Variants in LAMA3 observed in about 807,000 individuals in gnomAD.
LAMA3 encodes the protein laminin subunit alpha-3.
Under a neutral mutation model 402.0 loss-of-function variants are expected in LAMA3, and 281 were observed. That is an observed-to-expected ratio of 0.70 (90% CI 0.63 to 0.77). The LOEUF is 0.77. LAMA3 is among the 30% of genes least tolerant of loss of function. The probability of loss-of-function intolerance (pLI) is 0.00; values close to 1 mark genes in which losing one functional copy is unlikely to be tolerated. For missense variants in LAMA3, 3,840 were observed against 4,215.5 expected (o/e 0.91, Z 2.47); for synonymous variants, 1,431 against 1,558.4 (o/e 0.92, Z 1.93).
Position 23,758,425 on chromosome 18 carries a change from G to A in LAMA3, c.977G>A (p.Cys326Tyr), listed in dbSNP as rs2061896170. The change falls in exon 7 of 75, where the codon TGT (cysteine) becomes TAT (tyrosine). Residue 326 changes from cysteine (C) to tyrosine (Y), a missense_variant. Around this residue, in one of 3 missense-constraint regions of LAMA3, gnomAD observed 2,109 missense variants for 2,376.0 expected, o/e 0.89. Transcript: ENST00000313654. ...LFRCECQHHT[C>Y]GETCDRCCTG... is the part of the protein sequence containing the mutation. ...CGGTGTGAATGCCAGCACCACACCT[G>A]TGGGGAGACGTGTGATCGCTGCTGC... The A allele has an allele frequency of 6.2e-7, 1 of 1,614,186 alleles. No individual in the cohort carries two copies. The highest frequency in any genetic ancestry group is 1.3e-5 in the African/African-American group (1 of 75,080).
chr18:23,815,050 C>G, intron 15 of LAMA3, 138 bp from the exon 16 acceptor site: 1 of 754,600 alleles, frequency 1.3e-6, no homozygotes, highest in Non-Finnish European at 2.4e-6. Context: ...TAGGCCTCAG[C>G]GATGCAAACT....
intron 2 of LAMA3, among the ~76,000 whole-genome samples, chr18:23,740,900 T>C (rs1323225919): frequency 1.3e-5 from 2 of 151,918 alleles, no homozygotes; most frequent in Non-Finnish European, 2.9e-5. Flanking sequence ...CAGGTACTTC[T>C]GGGAACCAGT....
intron 36 of LAMA3, 99 bp downstream of exon 36, chr18:23,864,982 A>G (rs1234252835): frequency 2.5e-6 from 2 of 785,256 alleles, no homozygotes; most frequent in Non-Finnish European, 4.5e-6. Flanking sequence ...CAAAAAGTTT[A>G]GATTAAATCA....
At chr18:23,705,330 A>G (rs1254416365) in intron 1 of LAMA3, among the ~76,000 whole-genome samples, 1 of 151,984 alleles carries the variant, frequency 6.6e-6, no homozygotes, top group Non-Finnish European at 1.5e-5. Flanking sequence ...GAGTTAGATT[A>G]TGGATTAGTC....
chr18:23,858,005 A>G lies in LAMA3; in HGVS notation c.4281+17A>G, dbSNP rs1403623322. The G allele has an allele frequency of 6.2e-7, 1 of 1,614,038 alleles. No individual in the cohort carries two copies. The highest frequency in any genetic ancestry group is 8.5e-7 in the Non-Finnish European group (1 of 1,180,038). On this transcript the variant is annotated intron_variant, in intron 33 of 74. Coordinates refer to ENST00000313654, the MANE Select transcript of LAMA3 (RefSeq NM_198129.4). ...CTCTGCAAGGTAAGAGAGATCGTGC[A>G]ATGCCAGACAACAGCTGCCGGTCAG...
intron 18 of LAMA3, among the ~76,000 whole-genome samples, chr18:23,818,351 T>C (rs2063218488): frequency 6.6e-6 from 1 of 152,226 alleles, no homozygotes; most frequent in African/African-American, 2.4e-5. Context: ...ATATTAACTT[T>C]TTACATGATA....
At position 23,943,810 on chromosome 18, in the gene LAMA3, C is replaced by A. The variant is rs1343135327; in HGVS notation, c.9049C>A (p.Gln3017Lys). The change falls in exon 69 of 75, where the codon CAG becomes AAG. Residue 3017 changes from glutamine (Q) to lysine (K), a missense_variant. Around this residue, in one of 3 missense-constraint regions of LAMA3, gnomAD observed 840 missense variants for 981.9 expected, o/e 0.86. Coordinates refer to ENST00000313654, the MANE Select transcript of LAMA3 (RefSeq NM_198129.4). ...KPRSQFAVDMQTTSSRGLVFH... is the reference protein window; with the variant it reads ...KPRSQFAVDMKTTSSRGLVFH... ...CAGGTCACAGTTTGCTGTGGACATG[C>A]AGACAACATCCTCCAGAGGACTGGT... 1 of 1,613,856 alleles carries A rather than the reference C, an allele frequency of 6.2e-7. No homozygotes were observed. The highest frequency in any genetic ancestry group is 8.5e-7 in the Non-Finnish European group (1 of 1,179,834).
chr18:23,797,651 G>A (rs2062790728), intron 12 of LAMA3, among the ~76,000 whole-genome samples: 1 of 151,876 alleles, frequency 6.6e-6, no homozygotes, highest in Non-Finnish European at 1.5e-5. Flanking sequence ...GGAGGCAGAG[G>A]TTGCAGTGAG....
intron 1 of LAMA3, among the ~76,000 whole-genome samples, chr18:23,699,880 A>G (rs1416633316): frequency 6.6e-6 from 1 of 152,208 alleles, no homozygotes; most frequent in Non-Finnish European, 1.5e-5. Context: ...GAATAGATTG[A>G]TAATGTTTAC....
In LAMA3 at chr18:23,904,559, G is replaced by A. The variant is rs1450062132; in HGVS notation, c.6480G>A (p.Lys2160=). 3.8e-6 allele frequency: 6 copies of A among 1,592,906 alleles called. No homozygotes were observed. The highest frequency in any genetic ancestry group is 5.1e-6 in the Non-Finnish European group (6 of 1,169,540). ...AACCTGCCCTGTCTTCCAGGATCAA[G>A]AGAAACGCCAGCGGGGATGAGCTGG... The part of the protein sequence containing the change: ...QELAKQLEEI[K]RNASGDELVR... The change falls in exon 51 of 75, where the codon AAG becomes AAA. Residue 2160 remains lysine (K), a synonymous_variant. Coordinates refer to ENST00000313654, the MANE Select transcript of LAMA3 (RefSeq NM_198129.4).
intron 32 of LAMA3, among the ~76,000 whole-genome samples, chr18:23,856,774 T>C (rs908767160): frequency 2.0e-5 from 3 of 152,090 alleles, no homozygotes; most frequent in Admixed American, 6.5e-5. Flanking sequence ...GGAGTCTTCC[T>C]TGTCTTCTCT....
chr18:23,773,281 T>C (rs528611505), intron 8 of LAMA3, among the ~76,000 whole-genome samples: 2 of 152,336 alleles, frequency 1.3e-5, no homozygotes, highest in East Asian at 3.9e-4. Context: ...TTTCCTTTCC[T>C]CTCCCAATAA....
chr18:23,900,070 C>CGTGCGT (rs1555730714), intron 47 of LAMA3, among the ~76,000 whole-genome samples: 4 of 150,632 alleles, frequency 2.7e-5, no homozygotes, highest in Non-Finnish European at 5.9e-5. Context: ...TGTGTGTGTG[C>CGTGCGT]GTGTGTGTGT....
intron 72 of LAMA3, among the ~76,000 whole-genome samples, chr18:23,951,250 A>G (rs1049349721): frequency 6.6e-6 from 1 of 152,222 alleles, no homozygotes; most frequent in African/African-American, 2.4e-5. Flanking sequence ...CTTGCCATGC[A>G]TGGAACTATT....
chr18:23,939,193 T>C (rs752500875), intron 67 of LAMA3, 30 bp from the exon 68 acceptor site: 56 of 1,609,680 alleles, frequency 3.5e-5, no homozygotes, highest in Non-Finnish European at 4.6e-5. Flanking sequence ...CTCTTTCCCC[T>C]GATAATTGTG....
intron 44 of LAMA3, 185 bp from the exon 45 acceptor site, chr18:23,898,553 C>T (rs890747274): frequency 6.6e-6 from 4 of 609,644 alleles, no homozygotes; most frequent in African/African-American, 5.6e-5. Context: ...TATTTTAGAG[C>T]CATATCACAA....
intron 27 of LAMA3, 32 bp from the exon 28 acceptor site, chr18:23,842,363 T>C: frequency 6.2e-7 from 1 of 1,613,918 alleles, no homozygotes; most frequent in South Asian, 1.1e-5. Flanking sequence ...TGAGGGTTTT[T>C]AATTTTTTTT....
chr18:23,930,890 C>G (rs2145395594), intron 64 of LAMA3, among the ~76,000 whole-genome samples, 172 bp from the exon 65 acceptor site: 2 of 152,186 alleles, frequency 1.3e-5, no homozygotes, highest in South Asian at 4.1e-4. Flanking sequence ...TATTTATAAA[C>G]ATGGAGTCAA....
chr18:23,691,053 AC>A (rs1270769190), intron 1 of LAMA3, among the ~76,000 whole-genome samples: 1 of 152,102 alleles, frequency 6.6e-6, no homozygotes, highest in Non-Finnish European at 1.5e-5. Context: ...AATCCTGGAC[AC>A]TAAGCCCAAA....
Sources: allele counts gnomAD v4.1 joint callset (sites outside exome capture counted in the v4.1 genomes callset), GRCh38; gene constraint gnomAD v4.1.1; regional missense constraint gnomAD v4.1.1; transcripts MANE v1.5; gene names NCBI Gene and HGNC (gene_info 2026-07-23, HGNC 2026-07-21).